The following PCDHGA8 variants were observed in gnomAD, a reference collection of about 807,000 sequenced individuals.
The protein encoded by PCDHGA8 is protocadherin gamma subfamily A, 8, also known as protocadherin gamma-A8.
PCDHGA8 carries 45 observed loss-of-function variants against 59.2 expected under a neutral mutation model. The observed-to-expected ratio is 0.76, with a 90% CI of 0.60 to 0.98. The LOEUF (loss-of-function observed/expected upper bound fraction) is 0.98. Among genes scored for constraint, PCDHGA8 ranks in the 50% least tolerant of loss-of-function variants. The pLI is 0.00. For synonymous variants in PCDHGA8, 531 were observed against 519.0 expected, an observed-to-expected ratio of 1.02 and a Z score of -0.32; for missense variants, 1,257 against 1,196.2, an observed-to-expected ratio of 1.05 and a Z score of -0.75.
At chr5:141,427,164 C>T (rs1171285271) in intron 1 of PCDHGA8, 1 of 456,682 alleles carries the variant, frequency 2.2e-6, no homozygotes, top group Non-Finnish European at 4.4e-6. Context: ...TGTGCTAGAC[C>T]ATCAAAATGG....
chr5:141,502,601 A>G (rs2099815205), intron 2 of PCDHGA8, among the ~76,000 whole-genome samples: 1 of 152,218 alleles, frequency 6.6e-6, no homozygotes, highest in Non-Finnish European at 1.5e-5. Flanking sequence ...ATATTTTAAA[A>G]TATTTGTGAA....
At chr5:141,504,303 G>A (rs1157625808) in intron 2 of PCDHGA8, among the ~76,000 whole-genome samples, 4 of 151,938 alleles carry the variant, frequency 2.6e-5, no homozygotes, top group Admixed American at 2.6e-4. Context: ...TTCAACACTC[G>A]GAGTTTCTAA....
chr5:141,394,268 C>A lies in PCDHGA8; in HGVS notation c.1455C>A (p.Ala485=). The A allele has an allele frequency of 1.9e-6, 3 of 1,613,946 alleles. No homozygotes were observed. Among genetic ancestry groups the A allele is most frequent in the Non-Finnish European group, 2.5e-6 (3 of 1,179,884 alleles). Residue 485 remains alanine, a synonymous_variant, in exon 1 of 4, where the codon GCC becomes GCA. Transcript: ENST00000398604. ...ACGACCCCGACAGCCAGGAGAATGCCCAGGTCACTTACTCTGTGACCGAGG... is the reference window on the plus strand; with the variant it reads ...ACGACCCCGACAGCCAGGAGAATGCACAGGTCACTTACTCTGTGACCGAGG... ...TAHDPDSQEN[A]QVTYSVTEDT...
intron 1 of PCDHGA8, 108 bp from the exon 2 acceptor site, chr5:141,494,699 T>G: frequency 6.3e-7 from 1 of 1,592,240 alleles, no homozygotes; most frequent in East Asian, 2.3e-5. Context: ...GTCCGTTTTC[T>G]TCTCTGTGCC....
chr5:141,469,565 C>T (rs1410607165), intron 1 of PCDHGA8, among the ~76,000 whole-genome samples: 1 of 152,082 alleles, frequency 6.6e-6, no homozygotes, highest in East Asian at 1.9e-4. Context: ...CAGAGTGAGA[C>T]TCTGTCTCTA....
intron 1 of PCDHGA8, chr5:141,422,129 A>T: frequency 6.3e-7 from 1 of 1,599,702 alleles, no homozygotes; most frequent in East Asian, 2.2e-5. Flanking sequence ...CAAACTGGAG[A>T]AGTTCAAGTA....
chr5:141,441,370 C>A (rs1378574921), intron 1 of PCDHGA8: 1 of 152,672 alleles, frequency 6.5e-6, no homozygotes, highest in African/African-American at 2.4e-5. Flanking sequence ...GGGCCGTGGA[C>A]CAGGAACAGA....
At chr5:141,420,494 C>T (rs978136090) in intron 1 of PCDHGA8, 6 of 499,392 alleles carry the variant, frequency 1.2e-5, no homozygotes, top group African/African-American at 2.0e-5. Flanking sequence ...GGGTAATCTC[C>T]GGTGACATTT....
rs1324313583 is a variant in PCDHGA8, at chr5:141,395,152, T to C, written c.2339T>C (p.Ile780Thr). The change falls in exon 1 of 4, where the codon ATC becomes ACC. Residue 780 changes from isoleucine to threonine, a missense_variant. Transcript: ENST00000398604. ...CAGCCCAACTACGCAGACATGCTCA[T>C]CAGTCAGGAGGGCTGTGAGAAAAAT... ...FPQPNYADML[I>T]SQEGCEKNDS... The C allele has an allele frequency of 6.2e-7, 1 of 1,614,196 alleles. No homozygotes were observed. Among genetic ancestry groups the C allele is most frequent in the African/African-American group, 1.3e-5 (1 of 75,056 alleles).
At chr5:141,461,430 A>G (rs1239117668) in intron 1 of PCDHGA8, among the ~76,000 whole-genome samples, 2 of 151,992 alleles carry the variant, frequency 1.3e-5, no homozygotes, top group African/African-American at 4.8e-5. Context: ...GGCCATTTGT[A>G]TACCTTCTTT....
intron 1 of PCDHGA8, chr5:141,409,339 T>G: frequency 6.2e-7 from 1 of 1,613,954 alleles, no homozygotes; most frequent in South Asian, 1.1e-5. Context: ...TCGGAGGAAA[T>G]GGAGAAGTCA....
intron 1 of PCDHGA8, chr5:141,419,822 T>A: frequency 6.2e-7 from 1 of 1,614,058 alleles, no homozygotes; most frequent in Non-Finnish European, 8.5e-7. Flanking sequence ...GCCACCCCTT[T>A]CAGCCACTGC....
intron 3 of PCDHGA8, among the ~76,000 whole-genome samples, chr5:141,509,262 ACT>A (rs761383166): frequency 9.2e-5 from 14 of 151,714 alleles, no homozygotes; most frequent in Non-Finnish European, 1.9e-4. Flanking sequence ...GGCTTTAGTC[ACT>A]CTCGCTACCC....
intron 1 of PCDHGA8, among the ~76,000 whole-genome samples, chr5:141,451,630 C>T (rs899343801): frequency 2.0e-5 from 3 of 152,132 alleles, no homozygotes; most frequent in Non-Finnish European, 2.9e-5. Flanking sequence ...ACCTGTAATT[C>T]CAGCACTCTG....
At chr5:141,502,274 A>G (rs573517581) in intron 2 of PCDHGA8, among the ~76,000 whole-genome samples, 18 of 152,128 alleles carry the variant, frequency 1.2e-4, no homozygotes, top group African/African-American at 4.1e-4. Context: ...ATCAAGGAGC[A>G]TAGATTGCAT....
intron 1 of PCDHGA8, chr5:141,405,047 G>C: frequency 1.2e-6 from 2 of 1,613,944 alleles, no homozygotes; most frequent in Non-Finnish European, 1.7e-6. Flanking sequence ...GGCTGTGGCA[G>C]TCGTCTCCTG....
intron 2 of PCDHGA8, among the ~76,000 whole-genome samples, chr5:141,501,420 T>C (rs1429838126): frequency 6.6e-6 from 1 of 152,006 alleles, no homozygotes; most frequent in Non-Finnish European, 1.5e-5. Context: ...AATAGTTGAC[T>C]AAATGTAGTC....
intron 1 of PCDHGA8, among the ~76,000 whole-genome samples, chr5:141,406,353 T>G (rs1380718525): frequency 6.6e-6 from 1 of 152,196 alleles, no homozygotes; most frequent in Admixed American, 6.5e-5. Context: ...CAGGTCATAC[T>G]ATGTTTGTAA....
Position 141,477,626 on chromosome 5 carries a change from G to C in PCDHGA8, c.2425-17181G>C. The C allele has an allele frequency of 1.2e-6, 2 of 1,614,170 alleles. No homozygotes were observed. Among genetic ancestry groups the C allele is most frequent in the Non-Finnish European group, 1.7e-6 (2 of 1,180,036 alleles). ...TCTCTTGGAGCAAGGAGCTGAAACCGGGCTAGTGGGTCGCTATTTCACAAT... is the reference window on the plus strand; with the variant it reads ...TCTCTTGGAGCAAGGAGCTGAAACCCGGCTAGTGGGTCGCTATTTCACAAT... On this transcript the variant is annotated intron_variant, in intron 1 of 3. Transcript: ENST00000398604. The surrounding 1 kb of genome is among the most constrained non-coding windows in gnomAD (Gnocchi z 4.9).
Sources: allele counts gnomAD v4.1 joint callset (sites outside exome capture counted in the v4.1 genomes callset), GRCh38; gene constraint gnomAD v4.1.1; non-coding constraint Gnocchi (gnomAD v3.1); transcripts MANE v1.5; gene names NCBI Gene and HGNC (gene_info 2026-07-23, HGNC 2026-07-21).